Variants in LIMA1 observed in about 807,000 individuals in gnomAD.
The protein encoded by LIMA1 is LIM domain and actin binding 1.
In LIMA1, 52 loss-of-function variants were observed where a neutral mutation model predicts 62.6. The ratio of observed to expected loss-of-function variants is 0.83; its 90% CI spans 0.67 to 1.05. The LOEUF (loss-of-function observed/expected upper bound fraction) is 1.05. LIMA1 is among the 50% of genes least tolerant of loss of function. The pLI is 0.00. For synonymous variants in LIMA1, 302 were observed against 317.8 expected (o/e 0.95, Z 0.53); for missense variants, 780 against 902.2 (o/e 0.86, Z 1.74).
rs1025452034 is a variant in LIMA1 at position 50,177,473 on chromosome 12, T to C, written c.1871A>G (p.Glu624Gly). The C allele has an allele frequency of 5.0e-6, 8 of 1,614,078 alleles. No homozygotes were observed. Among genetic ancestry groups the C allele is most frequent in the Non-Finnish European group, 6.8e-6 (8 of 1,180,022 alleles). ...TTCTGCAACTCTTCCACCCACAGAC[T>C]CTTCACTCTGCTCTGACATGCTCCA... ...KGWSMSEQSE[E>G]SVGGRVAERK... The change falls in exon 11 of 11, where the codon GAG (glutamate) becomes GGG (glycine). Residue 624 changes from glutamate to glycine, a missense_variant. Transcript: ENST00000341247.
intron 1 of LIMA1, among the ~76,000 whole-genome samples, chr12:50,254,918 G>A (rs1417721040): frequency 6.6e-6 from 1 of 151,872 alleles, no homozygotes; most frequent in African/African-American, 2.4e-5. Flanking sequence ...AAATTAGCCA[G>A]GCGTGGTGGT....
chr12:50,282,755 T>C (rs1340934469), intron 1 of LIMA1, among the ~76,000 whole-genome samples: 5 of 152,192 alleles, frequency 3.3e-5, no homozygotes, highest in Non-Finnish European at 5.9e-5. Flanking sequence ...CTTGCAAGCA[T>C]CAGTAAGGAG....
intron 2 of LIMA1, among the ~76,000 whole-genome samples, chr12:50,232,052 T>TTTC (rs1941620129): frequency 6.9e-6 from 1 of 144,264 alleles, no homozygotes; most frequent in Admixed American, 6.9e-5. Flanking sequence ...GCTTTTTTTT[T>TTTC]TTTTTTTTTT....
At position 50,269,703 on chromosome 12, in the gene LIMA1, T is replaced by C. The variant is rs548114745; in HGVS notation, c.-24+13717A>G. ...GGGAGGCCGAGGCGGGAGGATCACC[T>C]GAGGTCACAAGTTTGAGACCAGCTG... On this transcript the variant is annotated intron_variant, in intron 1 of 10. Coordinates refer to ENST00000341247, the MANE Select transcript of LIMA1 (RefSeq NM_016357.5). Among the ~76,000 whole-genome samples, 576 of 151,982 alleles carry C rather than the reference T, an allele frequency of 3.8e-3. 2 individuals are homozygous for C. Among genetic ancestry groups the C allele is most frequent in the Non-Finnish European group, 6.8e-3 (459 of 67,940 alleles).
At chr12:50,267,526 A>G (rs1053551181) in intron 1 of LIMA1, among the ~76,000 whole-genome samples, 1 of 135,916 alleles carries the variant, frequency 7.4e-6, no homozygotes, top group Non-Finnish European at 1.6e-5. Context: ...GGCCACATTT[A>G]CTTTTTTTTT....
intron 8 of LIMA1, among the ~76,000 whole-genome samples, 156 bp from the exon 9 acceptor site, chr12:50,192,717 TAAC>T (rs374454483): frequency 1.5e-3 from 227 of 152,322 alleles, no homozygotes; most frequent in African/African-American, 5.2e-3. Context: ...ATTCGAACAC[TAAC>T]AACTATGGCT....
chr12:50,241,254 T>G lies in LIMA1; in HGVS notation c.119+7379A>C, dbSNP rs554592223. Among the ~76,000 whole-genome samples the G allele has an allele frequency of 2.6e-5, 4 of 152,342 alleles. No individual in the cohort carries two copies. The South Asian group carries it at 6.2e-4, about 24-fold the overall frequency. On this transcript the variant is annotated intron_variant, in intron 2 of 10. Coordinates refer to ENST00000341247, the MANE Select transcript of LIMA1 (RefSeq NM_016357.5). ...ATTCAGGGATACAGTGGATTGTAGCTATTATAAAAAGGAACTTAGAACTGG... is the reference window on the plus strand; with the variant it reads ...ATTCAGGGATACAGTGGATTGTAGCGATTATAAAAAGGAACTTAGAACTGG...
At chr12:50,219,165 A>G (rs1941401386) in intron 4 of LIMA1, among the ~76,000 whole-genome samples, 2 of 152,058 alleles carry the variant, frequency 1.3e-5, no homozygotes, top group South Asian at 4.1e-4. Flanking sequence ...CAGACTATAG[A>G]ATACCTGACA....
chr12:50,191,950 G>A (rs551912053), intron 9 of LIMA1, among the ~76,000 whole-genome samples: 2 of 151,550 alleles, frequency 1.3e-5, no homozygotes, highest in African/African-American at 2.4e-5. Flanking sequence ...TGGCCAACAT[G>A]GTGAAACCCT....
intron 4 of LIMA1, among the ~76,000 whole-genome samples, chr12:50,208,299 C>A (rs1302126764): frequency 6.6e-6 from 1 of 152,136 alleles, no homozygotes; most frequent in Non-Finnish European, 1.5e-5. Context: ...GCCTGACCAA[C>A]ATGGTGAAAC....
chr12:50,222,296 C>T lies in LIMA1; in HGVS notation c.355G>A (p.Asp119Asn), dbSNP rs144251874. 5.5e-5 allele frequency: 88 copies of T among 1,613,970 alleles called. No individual in the cohort carries two copies. In the African/African-American group the frequency reaches 1.0e-3, roughly 19 times the overall value. Residue 119 changes from aspartate (D) to asparagine (N), a missense_variant, in exon 4 of 11, where the codon GAC (aspartate) becomes AAC (asparagine). Asp to Asn is a conservative substitution (Grantham distance 23). Coordinates refer to ENST00000341247, the MANE Select transcript of LIMA1 (RefSeq NM_016357.5). ...TSHAASGAKA[D>N]QEEQIHPRSR... Reference sequence around the variant, plus strand: ...CTGGGGTGGATTTGTTCTTCTTGGTCAGCTTTGGCTCCAGAAGCAGCGTGG... The same window carrying T: ...CTGGGGTGGATTTGTTCTTCTTGGTTAGCTTTGGCTCCAGAAGCAGCGTGG...
intron 3 of LIMA1, 38 bp downstream of exon 3, chr12:50,231,627 A>C: frequency 6.2e-7 from 1 of 1,605,882 alleles, no homozygotes; most frequent in South Asian, 1.1e-5. Context: ...AATTCTGCTC[A>C]AGAAGTGCCA....
intron 4 of LIMA1, among the ~76,000 whole-genome samples, chr12:50,217,448 A>G (rs545296877): frequency 6.6e-6 from 1 of 152,170 alleles, no homozygotes; most frequent in East Asian, 1.9e-4. Context: ...ATAATTGGAG[A>G]CTTCAAAGTG....
At chr12:50,182,937 C>T (rs528417812) in intron 9 of LIMA1, among the ~76,000 whole-genome samples, 1 of 152,320 alleles carries the variant, frequency 6.6e-6, no homozygotes, top group Admixed American at 6.5e-5. Context: ...GGTGCGGTGG[C>T]TCATGCTTGT....
chr12:50,210,656 T>C (rs1471592466), intron 4 of LIMA1, among the ~76,000 whole-genome samples: 4 of 152,204 alleles, frequency 2.6e-5, no homozygotes, highest in African/African-American at 9.6e-5. Flanking sequence ...AACCAGAGCA[T>C]ACACCTTGCC....
At chr12:50,185,272 C>G (rs539495381) in intron 9 of LIMA1, 3 of 427,690 alleles carry the variant, frequency 7.0e-6, no homozygotes, top group Non-Finnish European at 1.4e-5. Flanking sequence ...AACTGAAGGA[C>G]GCAGAGCACT....
chr12:50,278,821 A>G (rs1425205396), intron 1 of LIMA1, among the ~76,000 whole-genome samples: 1 of 152,158 alleles, frequency 6.6e-6, no homozygotes, highest in Non-Finnish European at 1.5e-5. Flanking sequence ...ACACAAAACT[A>G]TATCTACTGC....
At chr12:50,227,429 G>T (rs969927880) in intron 3 of LIMA1, among the ~76,000 whole-genome samples, 2 of 151,680 alleles carry the variant, frequency 1.3e-5, no homozygotes, top group African/African-American at 4.8e-5. Flanking sequence ...TAGTAGAGAT[G>T]GGGTTTCACC....
rs200558742 is a variant in LIMA1 at position 50,181,925 on chromosome 12, G to C, written c.1253C>G (p.Ser418Cys). ...QVFHISCFRC[S>C]YCNNKLSLGT... ...TTACCTGAGTTTGTTGTTGCAATAG[G>C]AGCAACGGAAGCAGCTGATGTGAAA... Residue 418 changes from serine (S) to cysteine (C), a missense_variant, in exon 10 of 11, where the codon TCC becomes TGC. Ser to Cys is a moderately radical substitution (Grantham distance 112). Coordinates refer to ENST00000341247, the MANE Select transcript of LIMA1 (RefSeq NM_016357.5). 6 of 1,614,072 alleles carry C rather than the reference G, an allele frequency of 3.7e-6. No homozygotes were observed. Among genetic ancestry groups the C allele is most frequent in the South Asian group, 3.3e-5 (3 of 91,072 alleles).
Sources: gnomAD v4.1 joint callset for allele counts (sites outside exome capture counted in the v4.1 genomes callset) on GRCh38, gnomAD v4.1.1 for gene constraint, MANE v1.5 for transcripts, NCBI Gene and HGNC (gene_info 2026-07-23, HGNC 2026-07-21) for gene names.